DOCK4: variants seen among roughly 807,000 people sequenced by gnomAD.
The protein encoded by DOCK4 is dedicator of cytokinesis 4, also known as dedicator of cytokinesis protein 4.
A neutral mutation model predicts 268.1 loss-of-function variants in DOCK4; 97 were observed. That is an observed-to-expected ratio of 0.36 (90% CI 0.31 to 0.43). DOCK4 has a LOEUF of 0.43. Among genes scored for constraint, DOCK4 ranks in the 20% least tolerant of loss-of-function variants. The pLI is 1.00. For missense variants in DOCK4, 2,145 were observed against 2,455.7 expected (o/e 0.87, Z 2.67); for synonymous variants, 954 against 887.2 (o/e 1.08, Z -1.34).
chr7:112,187,716 A>G (rs1294071797), intron 1 of DOCK4, among the ~76,000 whole-genome samples: 2 of 152,168 alleles, frequency 1.3e-5, no homozygotes, highest in Non-Finnish European at 2.9e-5. Flanking sequence ...ATTTTTTCCA[A>G]TTAGTGGAGT....
rs1563410004 is a variant in DOCK4, at chr7:111,726,694, A to T, written c.*1580T>A. On this transcript the variant is annotated 3_prime_UTR_variant, in exon 53 of 53. Coordinates refer to ENST00000428084, the MANE Select transcript of DOCK4 (RefSeq NM_001363540.2). ...TTGTTAAAAGCACATATGTACAAAT[A>T]TTCTTTTTCCATACGTAAAGTATTT... 2 of 152,666 alleles carry T rather than the reference A, an allele frequency of 1.3e-5. No homozygotes were observed. The highest frequency in any genetic ancestry group is 1.3e-4 in the Admixed American group (2 of 15,288). 9.5% of individuals were successfully genotyped at this position (152,666 alleles called of 1,614,324 possible).
intron 23 of DOCK4, among the ~76,000 whole-genome samples, chr7:111,861,751 A>T (rs1805543416): frequency 7.1e-6 from 1 of 141,704 alleles, no homozygotes; most frequent in Non-Finnish European, 1.5e-5. Flanking sequence ...GTCTCAAAAA[A>T]AAAAAAAAAT....
At chr7:112,157,016 C>T (rs975609396) in intron 1 of DOCK4, among the ~76,000 whole-genome samples, 27 of 151,968 alleles carry the variant, frequency 1.8e-4, no homozygotes, top group Non-Finnish European at 2.6e-4. Flanking sequence ...TTAATGTTAT[C>T]TTCATTAGCA....
At chr7:111,791,244 A>G (rs1799521248) in intron 30 of DOCK4, among the ~76,000 whole-genome samples, 1 of 141,024 alleles carries the variant, frequency 7.1e-6, no homozygotes, top group South Asian at 2.1e-4. Context: ...AGTGCAATAC[A>G]GTATGTATAG....
chr7:111,899,178 G>T (rs1334964737), intron 15 of DOCK4, among the ~76,000 whole-genome samples: 1 of 152,202 alleles, frequency 6.6e-6, no homozygotes, highest in Non-Finnish European at 1.5e-5. Context: ...TGAAGCTCTT[G>T]AGTCAATTCT....
chr7:112,132,586 C>T (rs1433722569), intron 1 of DOCK4, among the ~76,000 whole-genome samples: 1 of 151,652 alleles, frequency 6.6e-6, no homozygotes, highest in Non-Finnish European at 1.5e-5. Context: ...CATGCATACA[C>T]ACAAGCAAGG....
At chr7:111,999,153 CA>C (rs1230856112) in intron 3 of DOCK4, among the ~76,000 whole-genome samples, 1 of 151,710 alleles carries the variant, frequency 6.6e-6, no homozygotes, top group Non-Finnish European at 1.5e-5. Context: ...GAAACAACAA[CA>C]AAAAAATGAG....
chr7:112,082,868 T>C (rs893660074), intron 1 of DOCK4, among the ~76,000 whole-genome samples: 13 of 152,150 alleles, frequency 8.5e-5, no homozygotes, highest in African/African-American at 3.1e-4. Flanking sequence ...CCTACCCATA[T>C]GACTTAGCTA....
intron 37 of DOCK4, 25 bp downstream of exon 37, chr7:111,769,504 C>A (rs575525188): frequency 1.2e-6 from 2 of 1,612,478 alleles, no homozygotes; most frequent in East Asian, 2.2e-5. Flanking sequence ...CCAGGAGGGA[C>A]CCCGGGCGGG....
At chr7:112,035,991 GGAAGTTATCTACTA>G (rs1200508671) in intron 1 of DOCK4, among the ~76,000 whole-genome samples, 1 of 152,014 alleles carries the variant, frequency 6.6e-6, no homozygotes, top group Non-Finnish European at 1.5e-5. Context: ...AATATAAAAA[GGAAGTTATCTACTA>G]GAGGGAGAAA....
intron 17 of DOCK4, among the ~76,000 whole-genome samples, chr7:111,872,970 G>C (rs1806547415): frequency 6.6e-6 from 1 of 152,208 alleles, no homozygotes; most frequent in African/African-American, 2.4e-5. Context: ...AGAGTTTCTT[G>C]AGGGCTGGGA....
intron 12 of DOCK4, among the ~76,000 whole-genome samples, chr7:111,920,398 T>G (rs576206814): frequency 7.2e-5 from 11 of 152,188 alleles, no homozygotes; most frequent in Non-Finnish European, 1.5e-4. Context: ...GCCATAAATA[T>G]GTACAATTTT....
chr7:111,960,362 T>G (rs1796772697), intron 8 of DOCK4, among the ~76,000 whole-genome samples: 1 of 144,132 alleles, frequency 6.9e-6, no homozygotes, highest in African/African-American at 2.7e-5. Flanking sequence ...AGGCTCTGTC[T>G]TAAAAAAAAA....
chr7:112,188,523 G>GT (rs1273166719), intron 1 of DOCK4, among the ~76,000 whole-genome samples: 1 of 152,198 alleles, frequency 6.6e-6, no homozygotes, highest in Admixed American at 6.5e-5. Context: ...TCAAACAAAT[G>GT]TTTTTCAGAT....
intron 1 of DOCK4, among the ~76,000 whole-genome samples, chr7:112,075,071 C>T (rs1807940017): frequency 6.6e-6 from 1 of 152,184 alleles, no homozygotes; most frequent in Admixed American, 6.5e-5. Context: ...GTTGTGGTTT[C>T]TGTCCCTGAT....
At chr7:111,767,280 G>A (rs901973651) in intron 37 of DOCK4, among the ~76,000 whole-genome samples, 162 bp from the exon 38 acceptor site, 6 of 145,808 alleles carry the variant, frequency 4.1e-5, no homozygotes, top group Non-Finnish European at 8.9e-5. Context: ...AGGCTGGAGC[G>A]CAGTGGCCTC....
rs959100092 is a variant in DOCK4 at position 111,787,137 on chromosome 7, C to G, written c.3401+1525G>C. ...GCAACTGAAATTGCATATTATCAAGCCTTTATTAAAGTAGATAAGAGGCAC... is the reference window on the plus strand; with the variant it reads ...GCAACTGAAATTGCATATTATCAAGGCTTTATTAAAGTAGATAAGAGGCAC... On this transcript the variant is annotated intron_variant, in intron 32 of 52. Transcript: ENST00000428084. Among the ~76,000 whole-genome samples the G allele has an allele frequency of 2.6e-5, 4 of 151,996 alleles. No homozygotes were observed. In the East Asian group the frequency reaches 5.8e-4, roughly 22 times the overall value.
intron 16 of DOCK4, among the ~76,000 whole-genome samples, chr7:111,880,146 C>T (rs183513767): frequency 2.6e-5 from 4 of 152,046 alleles, no homozygotes; most frequent in East Asian, 3.9e-4. Flanking sequence ...AATCAAACTC[C>T]GAAAGGTCAA....
intron 1 of DOCK4, among the ~76,000 whole-genome samples, chr7:112,160,782 G>A (rs146594959): frequency 6.6e-6 from 1 of 152,278 alleles, no homozygotes; most frequent in East Asian, 1.9e-4. Flanking sequence ...CAACTTACTT[G>A]TACTTGGCTA....
Sources: allele counts gnomAD v4.1 joint callset (sites outside exome capture counted in the v4.1 genomes callset), GRCh38; gene constraint gnomAD v4.1.1; transcripts MANE v1.5; gene names NCBI Gene and HGNC (gene_info 2026-07-23, HGNC 2026-07-21).